Variants in PAX3 observed in about 807,000 individuals in gnomAD.
PAX3 encodes paired box 3, also known as paired box protein Pax-3.
A neutral mutation model predicts 51.6 loss-of-function variants in PAX3; 14 were observed. The ratio of observed to expected loss-of-function variants is 0.27; its 90% CI spans 0.18 to 0.42. PAX3 has a LOEUF of 0.42. PAX3 is among the 10% of genes least tolerant of loss of function. The pLI is 1.00. For missense variants in PAX3, 540 were observed against 642.8 expected, an observed-to-expected ratio of 0.84 and a Z score of 1.73; for synonymous variants, 280 against 253.4, an observed-to-expected ratio of 1.11 and a Z score of -1.00.
intron 7 of PAX3, among the ~76,000 whole-genome samples, chr2:222,218,652 G>T (rs1344940241): frequency 6.6e-6 from 1 of 152,118 alleles, no homozygotes; most frequent in Non-Finnish European, 1.5e-5. Context: ...GGTATTTTAA[G>T]GATGACTCTA....
At chr2:222,223,499 T>C (rs1692276152) in intron 5 of PAX3, among the ~76,000 whole-genome samples, 1 of 152,100 alleles carries the variant, frequency 6.6e-6, no homozygotes, top group Non-Finnish European at 1.5e-5. Context: ...GGTAAGAAAA[T>C]CATTTTCAAG....
intron 7 of PAX3, among the ~76,000 whole-genome samples, chr2:222,203,024 T>TATATATATAC (rs1463082206): frequency 1.6e-4 from 16 of 98,800 alleles, no homozygotes; most frequent in African/African-American, 8.1e-4. Flanking sequence ...TATATATATA[T>TATATATATAC]ATATATATAT....
intron 7 of PAX3, among the ~76,000 whole-genome samples, chr2:222,213,789 C>T (rs1036049888): frequency 2.0e-5 from 3 of 152,168 alleles, no homozygotes; most frequent in Non-Finnish European, 2.9e-5. Flanking sequence ...AGGTCAAGGG[C>T]AGAGAATTTG....
intron 4 of PAX3, among the ~76,000 whole-genome samples, chr2:222,256,917 A>G (rs943551130): frequency 2.0e-5 from 3 of 152,244 alleles, no homozygotes; most frequent in South Asian, 2.1e-4. Context: ...CTTCCATTGT[A>G]TCATTGAAAT....
rs71053057 is a variant in PAX3 at position 222,203,012 on chromosome 2, CATATATATATATATATATATATATATAT to C, written c.1174-850_1174-823del. The stretch of plus-strand genomic sequence containing the variant: ...TTATTTCTTCTCTAAACAACCATTT[CATATATATATATATATATATATATATAT>C]ATATATATATATATATGAAGTGTTA... On this transcript the variant is annotated intron_variant, in intron 7 of 8. Transcript: ENST00000392070. 4.6e-4 allele frequency among the ~76,000 whole-genome samples: 19 copies of C among 41,176 alleles called. 1 individual carries two copies. The highest frequency in any genetic ancestry group is 2.1e-3 in the South Asian group (1 of 484). 27.0% of individuals were successfully genotyped at this position (41,176 alleles called of 152,430 possible).
intron 7 of PAX3, among the ~76,000 whole-genome samples, chr2:222,213,093 G>T (rs1415567254): frequency 6.6e-6 from 1 of 152,136 alleles, no homozygotes; most frequent in South Asian, 2.1e-4. Flanking sequence ...AATTAATTCA[G>T]CAAGGAAGGT....
chr2:222,282,557 T>C (rs1694683393), intron 4 of PAX3, among the ~76,000 whole-genome samples: 1 of 152,192 alleles, frequency 6.6e-6, no homozygotes, highest in African/African-American at 2.4e-5. Context: ...AACCACTCTC[T>C]TACTAGTTCA....
chr2:222,232,000 CAT>C, intron 5 of PAX3, 76 bp downstream of exon 5: 1 of 1,333,528 alleles, frequency 7.5e-7, no homozygotes, highest in South Asian at 1.2e-5. Context: ...GGGGGATTGA[CAT>C]ATGTTTTAGA....
At chr2:222,252,854 T>C (rs1693489864) in intron 4 of PAX3, among the ~76,000 whole-genome samples, 1 of 152,172 alleles carries the variant, frequency 6.6e-6, no homozygotes, top group Admixed American at 6.6e-5. Context: ...AAACTCTTTT[T>C]AACAGGACAG....
At chr2:222,289,380 A>G (rs901866126) in intron 4 of PAX3, among the ~76,000 whole-genome samples, 1 of 152,192 alleles carries the variant, frequency 6.6e-6, no homozygotes, top group Non-Finnish European at 1.5e-5. Context: ...ATGGATGCTG[A>G]AGCCATTCGG....
At chr2:222,221,178 C>A in intron 6 of PAX3, 44 bp downstream of exon 6, 1 of 1,577,642 alleles carries the variant, frequency 6.3e-7, no homozygotes, top group South Asian at 1.1e-5. Flanking sequence ...CCAGAGAAAT[C>A]GCCTGGAAGT....
At chr2:222,268,531 T>C (rs1470096880) in intron 4 of PAX3, among the ~76,000 whole-genome samples, 1 of 151,990 alleles carries the variant, frequency 6.6e-6, no homozygotes, top group Non-Finnish European at 1.5e-5. Flanking sequence ...GGCTTTCCGG[T>C]TGCCTCTCCC....
intron 4 of PAX3, among the ~76,000 whole-genome samples, chr2:222,236,526 G>A (rs1472365188): frequency 6.6e-6 from 1 of 152,118 alleles, no homozygotes; most frequent in Admixed American, 6.6e-5. Flanking sequence ...TTGGATAGGA[G>A]ATACAAAGAA....
chr2:222,294,516 C>A (rs1695183813), intron 3 of PAX3, among the ~76,000 whole-genome samples: 1 of 152,170 alleles, frequency 6.6e-6, no homozygotes, highest in Non-Finnish European at 1.5e-5. Context: ...TTATCTGTAT[C>A]TCGGTACTGA....
At chr2:222,205,794 T>C (rs905511702) in intron 7 of PAX3, among the ~76,000 whole-genome samples, 1 of 152,108 alleles carries the variant, frequency 6.6e-6, no homozygotes, top group African/African-American at 2.4e-5. Flanking sequence ...ACCTCAAATC[T>C]CTGTAGAAGG....
intron 7 of PAX3, among the ~76,000 whole-genome samples, chr2:222,206,232 G>C (rs1464892932): frequency 6.6e-6 from 1 of 151,910 alleles, no homozygotes; most frequent in Non-Finnish European, 1.5e-5. Context: ...AGGCTACCCA[G>C]TTCTGTCTCC....
At chr2:222,293,791 A>T in intron 4 of PAX3, 1 of 1,614,144 alleles carries the variant, frequency 6.2e-7, no homozygotes, top group Non-Finnish European at 8.5e-7. Flanking sequence ...ACTTCTGAAG[A>T]TTCAAGTACC....
intron 7 of PAX3, among the ~76,000 whole-genome samples, chr2:222,215,175 G>GA (rs996927158): frequency 1.3e-5 from 2 of 151,996 alleles, no homozygotes; most frequent in South Asian, 2.1e-4. Context: ...GCTTCATAGG[G>GA]AAAAAAATGT....
intron 5 of PAX3, chr2:222,221,593 CCCA>C: frequency 7.3e-6 from 4 of 547,718 alleles, no homozygotes; most frequent in Non-Finnish European, 1.3e-5. Context: ...GCTTCAGGGA[CCCA>C]CCATGATCTT....
Sources: allele counts gnomAD v4.1 joint callset (sites outside exome capture counted in the v4.1 genomes callset), GRCh38; gene constraint gnomAD v4.1.1; transcripts MANE v1.5; gene names NCBI Gene and HGNC (gene_info 2026-07-23, HGNC 2026-07-21).